The following CALN1 variants were observed in gnomAD, a reference collection of about 807,000 sequenced individuals.
CALN1 encodes the protein calneuron 1.
A neutral mutation model predicts 30.6 loss-of-function variants in CALN1; 17 were observed. That is an observed-to-expected ratio of 0.56 (90% CI 0.38 to 0.83). The LOEUF (loss-of-function observed/expected upper bound fraction) is 0.83. CALN1 is among the 40% of genes least tolerant of loss of function. CALN1 has a pLI of 0.00. For missense variants in CALN1, 291 were observed against 354.9 expected, an observed-to-expected ratio of 0.82 and a Z score of 1.45; for synonymous variants, 156 against 131.4, an observed-to-expected ratio of 1.19 and a Z score of -1.28.
chr7:71,869,586 T>A (rs919897895), intron 5 of CALN1, among the ~76,000 whole-genome samples: 3 of 152,210 alleles, frequency 2.0e-5, no homozygotes, highest in Non-Finnish European at 4.4e-5. Flanking sequence ...TGCCCTTTGG[T>A]ATTTCTTCAT....
intron 2 of CALN1, chr7:72,337,172 C>T: frequency 1.0e-6 from 1 of 985,370 alleles, no homozygotes; most frequent in South Asian, 4.7e-5. Context: ...CCATGCAGCT[C>T]CGGCCTCCTC....
intron 4 of CALN1, among the ~76,000 whole-genome samples, chr7:72,084,358 T>C (rs940463273): frequency 5.9e-5 from 9 of 151,418 alleles, no homozygotes; most frequent in Non-Finnish European, 2.9e-5. Context: ...GCTAAAACCA[T>C]AAATCTTCCA....
chr7:72,214,635 T>C (rs575617146), intron 3 of CALN1, among the ~76,000 whole-genome samples: 1 of 151,242 alleles, frequency 6.6e-6, no homozygotes, highest in South Asian at 2.1e-4. Flanking sequence ...GAAAAAAAAA[T>C]AGGTCTTCTA....
At chr7:72,341,621 G>C (rs1032104175) in intron 2 of CALN1, among the ~76,000 whole-genome samples, 1 of 152,242 alleles carries the variant, frequency 6.6e-6, no homozygotes, top group Non-Finnish European at 1.5e-5. Context: ...CACATAACCA[G>C]AGTGGGAAAC....
intron 4 of CALN1, among the ~76,000 whole-genome samples, chr7:72,040,184 T>G (rs1802038732): frequency 6.6e-6 from 1 of 152,066 alleles, no homozygotes; most frequent in Admixed American, 6.5e-5. Context: ...TCTTAAAAAG[T>G]GTTATGAGGC....
chr7:71,855,264 A>G (rs1790876579), intron 5 of CALN1, among the ~76,000 whole-genome samples: 1 of 152,192 alleles, frequency 6.6e-6, no homozygotes, highest in African/African-American at 2.4e-5. Flanking sequence ...CTCAAGTCTG[A>G]CTTACTAAAT....
chr7:72,247,754 G>A (rs988785196), intron 3 of CALN1, among the ~76,000 whole-genome samples: 1 of 152,194 alleles, frequency 6.6e-6, no homozygotes, highest in Non-Finnish European at 1.5e-5. Flanking sequence ...ACTTTGGGAA[G>A]CCAAGGCAAC....
intron 6 of CALN1, among the ~76,000 whole-genome samples, chr7:71,797,918 G>A (rs1289112585): frequency 6.6e-6 from 1 of 152,040 alleles, no homozygotes; most frequent in Non-Finnish European, 1.5e-5. Flanking sequence ...AGGTTTGATT[G>A]GAGCTCCTTT....
chr7:72,501,424 G>A, the CALN1 span, among the ~76,000 whole-genome samples: 4 of 130,204 alleles, frequency 3.1e-5, no homozygotes, highest in Admixed American at 1.6e-4. Flanking sequence ...AGAAGAAAGA[G>A]GAAGAAGAAG....
chr7:71,847,476 C>T (rs1790331736), intron 5 of CALN1, among the ~76,000 whole-genome samples: 1 of 151,622 alleles, frequency 6.6e-6, no homozygotes, highest in Non-Finnish European at 1.5e-5. Context: ...ATGGTGAAAC[C>T]CCATCTCTAC....
intron 5 of CALN1, among the ~76,000 whole-genome samples, chr7:71,957,409 A>G (rs1225431028): frequency 6.6e-6 from 1 of 152,182 alleles, no homozygotes; most frequent in Non-Finnish European, 1.5e-5. Flanking sequence ...TAAAACAAAG[A>G]CACTCTTTTC....
intron 4 of CALN1, among the ~76,000 whole-genome samples, chr7:72,091,285 C>T (rs190695760): frequency 6.6e-6 from 1 of 152,292 alleles, no homozygotes; most frequent in African/African-American, 2.4e-5. Flanking sequence ...GAGTCAAGAT[C>T]TCACCATTGC....
the CALN1 span, among the ~76,000 whole-genome samples, chr7:72,452,733 C>T: frequency 6.6e-6 from 1 of 152,274 alleles, no homozygotes; most frequent in Non-Finnish European, 1.5e-5. Context: ...AAGAGATAAG[C>T]TTATCAGAAT....
intron 2 of CALN1, among the ~76,000 whole-genome samples, chr7:72,299,689 C>CTT (rs34296600): frequency 0.012 from 1,385 of 119,806 alleles, 29 homozygotes; most frequent in African/African-American, 0.033. Flanking sequence ...ATGCTCTTAT[C>CTT]TTTTTTTTTT....
the CALN1 span, among the ~76,000 whole-genome samples, chr7:72,483,164 GT>G: frequency 3.2e-3 from 487 of 150,012 alleles, 11 homozygotes; most frequent in Admixed American, 0.029. Flanking sequence ...TTAATCACTG[GT>G]TTTGAGTAGT....
intron 3 of CALN1, among the ~76,000 whole-genome samples, chr7:72,269,138 C>A (rs183553727): frequency 1.2e-4 from 18 of 152,262 alleles, no homozygotes; most frequent in African/African-American, 4.3e-4. Flanking sequence ...GAGGGAACAT[C>A]AGAAGCCCAT....
intron 5 of CALN1, among the ~76,000 whole-genome samples, chr7:72,012,040 A>G (rs1800112548): frequency 6.6e-6 from 1 of 152,174 alleles, no homozygotes; most frequent in Non-Finnish European, 1.5e-5. Flanking sequence ...AATAAAAAAA[A>G]TACTTTTAAA....
At chr7:72,110,657 T>A (rs1214151680) in intron 3 of CALN1, among the ~76,000 whole-genome samples, 18 of 67,500 alleles carry the variant, frequency 2.7e-4, no homozygotes, top group African/African-American at 1.1e-3. Context: ...CCTCACTAAC[T>A]TTTTTTTTTT....
intron 3 of CALN1, among the ~76,000 whole-genome samples, chr7:72,116,428 A>G (rs373057758): frequency 7.9e-5 from 12 of 152,336 alleles, no homozygotes; most frequent in African/African-American, 2.6e-4. Flanking sequence ...AAGATGAAAT[A>G]GAAATCTCTG....
Sources: gnomAD v4.1 joint callset for allele counts (sites outside exome capture counted in the v4.1 genomes callset) on GRCh38, gnomAD v4.1.1 for gene constraint, MANE v1.5 for transcripts, NCBI Gene and HGNC (gene_info 2026-07-23, HGNC 2026-07-21) for gene names.